The following BSDC1 variants were observed in gnomAD, a reference collection of about 807,000 sequenced individuals.
The protein encoded by BSDC1 is BSD domain-containing protein 1.
A neutral mutation model predicts 56.0 loss-of-function variants in BSDC1; 29 were observed. That is an observed-to-expected ratio of 0.52 (90% CI 0.39 to 0.71). BSDC1 has a LOEUF of 0.71. BSDC1 is among the 30% of genes least tolerant of loss of function. BSDC1 has a pLI of 0.00. For synonymous variants in BSDC1, 210 were observed against 215.3 expected, an observed-to-expected ratio of 0.98 and a Z score of 0.21; for missense variants, 477 against 548.5, an observed-to-expected ratio of 0.87 and a Z score of 1.30.
intron 4 of BSDC1, among the ~76,000 whole-genome samples, chr1:32,382,200 C>A (rs1389403496): frequency 4.8e-5 from 7 of 145,400 alleles, no homozygotes; most frequent in African/African-American, 1.8e-4. Context: ...GCACTCCAGT[C>A]TGGGCGACAG....
At chr1:32,381,319 G>A (rs771282783) in intron 4 of BSDC1, 51 bp from the exon 5 acceptor site, 1 of 1,558,694 alleles carries the variant, frequency 6.4e-7, no homozygotes, top group South Asian at 1.1e-5. Context: ...ACTGGGCATA[G>A]AAAGCACCCT....
intron 2 of BSDC1, 38 bp downstream of exon 2, chr1:32,394,042 G>A (rs1383612683): frequency 1.3e-6 from 2 of 1,591,158 alleles, no homozygotes; most frequent in East Asian, 2.3e-5. Context: ...GGCGGCGCAG[G>A]GCCCTGCTGA....
At chr1:32,391,649 G>A (rs904072520) in intron 2 of BSDC1, among the ~76,000 whole-genome samples, 3 of 152,202 alleles carry the variant, frequency 2.0e-5, no homozygotes, top group Non-Finnish European at 4.4e-5. Flanking sequence ...ACAACACACA[G>A]GAAGACAGGA....
At chr1:32,381,959 G>A (rs1642491019) in intron 4 of BSDC1, among the ~76,000 whole-genome samples, 1 of 152,188 alleles carries the variant, frequency 6.6e-6, no homozygotes, top group Non-Finnish European at 1.5e-5. Context: ...GGGTGCGGTG[G>A]CTCACGCCTG....
At chr1:32,380,876 T>A (rs1642457612) in intron 5 of BSDC1, among the ~76,000 whole-genome samples, 1 of 152,066 alleles carries the variant, frequency 6.6e-6, no homozygotes, top group Non-Finnish European at 1.5e-5. Flanking sequence ...TCATTTCTGA[T>A]CTCCAGTTCC....
intron 3 of BSDC1, chr1:32,386,560 A>C (rs1642678879): frequency 2.4e-6 from 1 of 420,032 alleles, no homozygotes; most frequent in African/African-American, 2.1e-5. Flanking sequence ...CTAATGGAAA[A>C]CATTTGCTAA....
chr1:32,378,074 C>A lies in BSDC1; in HGVS notation c.598-26G>T. On this transcript the variant is annotated intron_variant, in intron 7 of 10. Coordinates refer to ENST00000455895, the MANE Select transcript of BSDC1 (RefSeq NM_018045.8). This position sits in a 1 kb window ranked among gnomAD's most constrained non-coding sequence, Gnocchi z 5.2. ...CTGAATGTGGGGGAGCAGAAGGCCA[C>A]AGGCAGTCAGGGCACCCTCTTCCTA... 1 of 1,600,378 alleles carries A rather than the reference C, an allele frequency of 6.2e-7. No individual in the cohort carries two copies. The highest frequency in any genetic ancestry group is 1.1e-5 in the South Asian group (1 of 89,100).
chr1:32,367,385 T>C, intron 10 of BSDC1: 2 of 985,476 alleles, frequency 2.0e-6, no homozygotes, highest in Non-Finnish European at 2.4e-6. Flanking sequence ...GGGCTTTCTC[T>C]GTCCTGGGTA....
At chr1:32,379,006 C>G (rs1419768702) in intron 5 of BSDC1, among the ~76,000 whole-genome samples, 167 bp from the exon 6 acceptor site, 1 of 152,188 alleles carries the variant, frequency 6.6e-6, no homozygotes, top group East Asian at 1.9e-4. Context: ...GGGTGCCGCA[C>G]CTGAGTGATC....
chr1:32,384,078 AAGGTGTACCG>A, intron 3 of BSDC1, 81 bp from the exon 4 acceptor site: 1 of 1,595,540 alleles, frequency 6.3e-7, no homozygotes, highest in Non-Finnish European at 8.5e-7. Flanking sequence ...CATTGGGGCA[AAGGTGTACCG>A]TGTGTTGGGG....
intron 10 of BSDC1, chr1:32,367,242 C>T: frequency 1.0e-6 from 1 of 985,472 alleles, no homozygotes; most frequent in South Asian, 4.7e-5. Flanking sequence ...TTTGTTCCTA[C>T]TCTTGGCCTG....
chr1:32,371,567 C>A (rs1029832771), intron 9 of BSDC1, among the ~76,000 whole-genome samples: 6 of 152,046 alleles, frequency 3.9e-5, no homozygotes, highest in African/African-American at 1.4e-4. Flanking sequence ...GCCTCGGCTT[C>A]CCAAAGTGCT....
At chr1:32,386,137 G>A (rs1240793627) in intron 3 of BSDC1, among the ~76,000 whole-genome samples, 1 of 151,904 alleles carries the variant, frequency 6.6e-6, no homozygotes, top group Middle Eastern at 3.2e-3. Flanking sequence ...GGCTAACACG[G>A]TGCACCCCGT....
At chr1:32,383,114 T>C (rs1642544976) in intron 4 of BSDC1, among the ~76,000 whole-genome samples, 1 of 152,056 alleles carries the variant, frequency 6.6e-6, no homozygotes, top group African/African-American at 2.4e-5. Context: ...ATGGAATAAA[T>C]AATGCTATAT....
intron 2 of BSDC1, 136 bp downstream of exon 2, chr1:32,393,944 G>A (rs957609524): frequency 2.6e-6 from 2 of 759,410 alleles, no homozygotes; most frequent in Non-Finnish European, 4.3e-6. Context: ...GACCGGTAGA[G>A]GCTAAAAGAA....
At chr1:32,389,118 C>T (rs1642776884) in intron 2 of BSDC1, among the ~76,000 whole-genome samples, 1 of 152,070 alleles carries the variant, frequency 6.6e-6, no homozygotes, top group African/African-American at 2.4e-5. Context: ...CCAAGCCCAG[C>T]TAATTTTTTG....
Position 32,378,355 on chromosome 1 carries a change from G to C in BSDC1, c.529-72C>G, listed in dbSNP as rs1642368558. ...GGGGTCTGTGTCCCCAGCCTTATCA[G>C]TCTATTCCCAGCCAGTCTGGATTTC... On this transcript the variant is annotated intron_variant, in intron 6 of 10. Coordinates refer to ENST00000455895, the MANE Select transcript of BSDC1 (RefSeq NM_018045.8). This position sits in a 1 kb window ranked among gnomAD's most constrained non-coding sequence, Gnocchi z 5.2. 6.9e-7 allele frequency: 1 copy of C among 1,458,298 alleles called. No homozygotes were observed. The highest frequency in any genetic ancestry group is 9.6e-7 in the Non-Finnish European group (1 of 1,042,018). 90.3% of individuals were successfully genotyped at this position (1,458,298 alleles called of 1,614,324 possible).
chr1:32,365,616 T>G lies in BSDC1; in HGVS notation c.*1006A>C, dbSNP rs1295178626. On this transcript the variant is annotated 3_prime_UTR_variant, in exon 11 of 11. Transcript: ENST00000455895. ...GAGAGCACAAAGGCTGGGTCTGTCT[T>G]CAGGAAGAAGAGCTTTTGCAGAAGC... The G allele has an allele frequency of 6.6e-6, 1 of 152,508 alleles. No individual in the cohort carries two copies. The highest frequency in any genetic ancestry group is 1.5e-5 in the Non-Finnish European group (1 of 68,026). 9.4% of individuals were successfully genotyped at this position (152,508 alleles called of 1,614,324 possible).
chr1:32,366,895 C>G, intron 10 of BSDC1: 1 of 1,240,104 alleles, frequency 8.1e-7, no homozygotes, highest in Non-Finnish European at 1.0e-6. Flanking sequence ...AACACTTCCC[C>G]CAACCAACAC....
Sources: gnomAD v4.1 joint callset for allele counts (sites outside exome capture counted in the v4.1 genomes callset) on GRCh38, gnomAD v4.1.1 for gene constraint, Gnocchi (gnomAD v3.1) non-coding constraint, MANE v1.5 for transcripts, NCBI Gene and HGNC (gene_info 2026-07-23, HGNC 2026-07-21) for gene names.